Variants in TMTC2 observed in about 807,000 individuals in gnomAD.
TMTC2 encodes protein O-mannosyl-transferase TMTC2.
A neutral mutation model predicts 82.4 loss-of-function variants in TMTC2; 43 were observed. The observed-to-expected ratio is 0.52, with a 90% CI of 0.41 to 0.67. The LOEUF is 0.67. TMTC2 is among the 30% of genes least tolerant of loss of function. The pLI, the probability that TMTC2 is intolerant of heterozygous loss-of-function variation, is 0.00. For synonymous variants in TMTC2, 408 were observed against 381.9 expected, an observed-to-expected ratio of 1.07 and a Z score of -0.80; for missense variants, 919 against 1,012.4, an observed-to-expected ratio of 0.91 and a Z score of 1.25.
At chr12:82,901,767 A>G (rs1205697731) in intron 3 of TMTC2, among the ~76,000 whole-genome samples, 4 of 152,066 alleles carry the variant, frequency 2.6e-5, no homozygotes, top group Non-Finnish European at 5.9e-5. Flanking sequence ...GTATTTTGCT[A>G]TAGCCGTGGG....
Position 82,845,089 on chromosome 12 carries a change from C to G in TMTC2, c.84-11921C>G, listed in dbSNP as rs569023361. Among the ~76,000 whole-genome samples, 581 of 150,146 alleles carry G rather than the reference C, an allele frequency of 3.9e-3. 5 individuals carry two copies. The highest frequency in any genetic ancestry group is 0.014 in the African/African-American group (556 of 40,810). The stretch of plus-strand genomic sequence containing the variant: ...CTAAAAATACAACAAATTAGCTGGG[C>G]GTAGTGGCGGGCGCCTGTAATCCTA... On this transcript the variant is annotated intron_variant, in intron 1 of 11. Transcript: ENST00000321196.
At chr12:83,132,174 G>A (rs775330401) in intron 11 of TMTC2, 36 bp from the exon 12 acceptor site, 1 of 1,550,380 alleles carries the variant, frequency 6.5e-7, no homozygotes, top group Non-Finnish European at 8.7e-7. Context: ...GCTTGAAATG[G>A]CCTCCTAATT....
intron 1 of TMTC2, among the ~76,000 whole-genome samples, chr12:82,755,415 G>T (rs1876249928): frequency 1.3e-5 from 2 of 152,126 alleles, no homozygotes; most frequent in South Asian, 4.1e-4. Flanking sequence ...TCAAAAAGGG[G>T]TTCATCTGCT....
intron 11 of TMTC2, among the ~76,000 whole-genome samples, chr12:83,075,029 C>T (rs144637455): frequency 1.2e-3 from 187 of 152,284 alleles, no homozygotes; most frequent in African/African-American, 3.9e-3. Flanking sequence ...GCTTGGGGAC[C>T]GAGCGAGCTC....
Position 82,986,055 on chromosome 12 carries a change from C to T in TMTC2, c.2070+9C>T. 6.2e-7 allele frequency: 1 copy of T among 1,613,878 alleles called. No individual in the cohort carries two copies. Among genetic ancestry groups the T allele is most frequent in the Non-Finnish European group, 8.5e-7 (1 of 1,179,850 alleles). On this transcript the variant is annotated intron_variant, in intron 8 of 11. Coordinates refer to ENST00000321196, the MANE Select transcript of TMTC2 (RefSeq NM_152588.3). ...AGCTGCTAGCTCTAACAGTGAGTAA[C>T]CGCCTTCCTTGGTCTTTAAAACTTG...
At chr12:83,039,001 A>T (rs1881785242) in intron 9 of TMTC2, among the ~76,000 whole-genome samples, 1 of 137,588 alleles carries the variant, frequency 7.3e-6, no homozygotes, top group South Asian at 2.2e-4. Flanking sequence ...GCGCGATCTC[A>T]GCTCTCTGCA....
At chr12:82,720,393 G>A (rs1217536627) in intron 1 of TMTC2, among the ~76,000 whole-genome samples, 1 of 152,074 alleles carries the variant, frequency 6.6e-6, no homozygotes, top group Non-Finnish European at 1.5e-5. Flanking sequence ...TGCATCAGTA[G>A]TTCATACCTT....
chr12:82,763,065 A>G (rs1408992857), intron 1 of TMTC2, among the ~76,000 whole-genome samples: 1 of 152,160 alleles, frequency 6.6e-6, no homozygotes, highest in Non-Finnish European at 1.5e-5. Context: ...TATAATAGTT[A>G]GTTTTTTTAA....
At chr12:83,100,866 C>G (rs974249389) in intron 11 of TMTC2, among the ~76,000 whole-genome samples, 1 of 152,182 alleles carries the variant, frequency 6.6e-6, no homozygotes. Flanking sequence ...TACGAAGCCT[C>G]TGGAAGCTTC....
At chr12:82,794,947 G>T (rs900186740) in intron 1 of TMTC2, among the ~76,000 whole-genome samples, 1 of 152,080 alleles carries the variant, frequency 6.6e-6, no homozygotes, top group African/African-American at 2.4e-5. Flanking sequence ...ATAAAAGGAG[G>T]CCGGGATTCT....
chr12:82,810,336 A>T (rs915534476), intron 1 of TMTC2, among the ~76,000 whole-genome samples: 1 of 151,612 alleles, frequency 6.6e-6, no homozygotes, highest in Non-Finnish European at 1.5e-5. Flanking sequence ...GCAAGGGTGC[A>T]GTGTTTATTT....
At chr12:82,906,984 A>G (rs903463569) in intron 3 of TMTC2, among the ~76,000 whole-genome samples, 1 of 152,222 alleles carries the variant, frequency 6.6e-6, no homozygotes, top group Admixed American at 6.5e-5. Context: ...GATAAACAAC[A>G]GGGCTGGCAA....
At chr12:82,780,636 T>C (rs1485609443) in intron 1 of TMTC2, among the ~76,000 whole-genome samples, 1 of 152,086 alleles carries the variant, frequency 6.6e-6, no homozygotes, top group African/African-American at 2.4e-5. Context: ...CTTTAAAAAG[T>C]CTCTTCATAA....
At position 82,966,957 on chromosome 12, in the gene TMTC2, G is replaced by T. The variant is rs1480054276; in HGVS notation, c.1908G>T (p.Met636Ile). 30 of 1,613,116 alleles carry T rather than the reference G, an allele frequency of 1.9e-5. No homozygotes were observed. Among genetic ancestry groups the T allele is most frequent in the Non-Finnish European group, 2.2e-5 (26 of 1,179,426 alleles). Residue 636 changes from methionine to isoleucine, a missense_variant, in exon 7 of 12, where the codon ATG becomes ATT. Coordinates refer to ENST00000321196, the MANE Select transcript of TMTC2 (RefSeq NM_152588.3). ...TATACAAGGAAGCAATTCAGAAAAT[G>T]CCAAGGCAGTTTGCCCCACAGAGCT... ...LSVYKEAIQK[M>I]PRQFAPQSLY...
chr12:82,792,932 T>G (rs1878537411), intron 1 of TMTC2, among the ~76,000 whole-genome samples: 1 of 152,124 alleles, frequency 6.6e-6, no homozygotes, highest in South Asian at 2.1e-4. Flanking sequence ...AAGATCTAAA[T>G]CAGACCACAA....
intron 11 of TMTC2, among the ~76,000 whole-genome samples, chr12:83,096,927 T>C (rs1884048776): frequency 6.6e-6 from 1 of 152,206 alleles, no homozygotes; most frequent in East Asian, 1.9e-4. Flanking sequence ...TGCCTTACAT[T>C]CATAGTTCTT....
intron 1 of TMTC2, among the ~76,000 whole-genome samples, chr12:82,827,862 T>A (rs1006138147): frequency 6.6e-6 from 1 of 151,560 alleles, no homozygotes; most frequent in African/African-American, 2.4e-5. Context: ...CATGTCCAGC[T>A]TATTTTTTTT....
At chr12:82,997,221 C>CTCTCTCTCTCTCTCTCTATATA (rs1451262969) in intron 8 of TMTC2, among the ~76,000 whole-genome samples, 21 of 118,544 alleles carry the variant, frequency 1.8e-4, no homozygotes, top group African/African-American at 7.7e-4. Flanking sequence ...CTCTCTCTCT[C>CTCTCTCTCTCTCTCTCTATATA]TATATATATA....
At chr12:83,058,281 T>G (rs1882616623) in intron 10 of TMTC2, among the ~76,000 whole-genome samples, 1 of 151,828 alleles carries the variant, frequency 6.6e-6, no homozygotes, top group Non-Finnish European at 1.5e-5. Context: ...GAGAGTATAT[T>G]TTCACTGATG....
Sources: allele counts gnomAD v4.1 joint callset (sites outside exome capture counted in the v4.1 genomes callset), GRCh38; gene constraint gnomAD v4.1.1; transcripts MANE v1.5; gene names NCBI Gene and HGNC (gene_info 2026-07-23, HGNC 2026-07-21).